The following ZNF37A variants were observed in gnomAD, a reference collection of about 807,000 sequenced individuals.
The protein encoded by ZNF37A is zinc finger protein 37a (KOX 21).
In ZNF37A, 10 loss-of-function variants were observed where a neutral mutation model predicts 12.3. The observed-to-expected ratio is 0.82, with a 90% CI of 0.50 to 1.38. The LOEUF (loss-of-function observed/expected upper bound fraction) is 1.38, where lower values mean the gene tolerates loss of function less well. Among genes scored for constraint, ZNF37A ranks in the 40% most tolerant of loss-of-function variants. The pLI, the probability that ZNF37A is intolerant of heterozygous loss-of-function variation, is 0.00. For synonymous variants in ZNF37A, 207 were observed against 223.0 expected, an observed-to-expected ratio of 0.93 and a Z score of 0.64; for missense variants, 580 against 651.2, an observed-to-expected ratio of 0.89 and a Z score of 1.19.
intron 4 of ZNF37A, among the ~76,000 whole-genome samples, 178 bp downstream of exon 4, chr10:38,095,982 C>T (rs1251256779): frequency 6.6e-6 from 1 of 152,052 alleles, no homozygotes; most frequent in East Asian, 1.9e-4. Context: ...GTCAGGAGTT[C>T]GAGACCAGCC....
chr10:38,134,089 C>A (rs561824092), intron 7 of ZNF37A, among the ~76,000 whole-genome samples: 1 of 152,310 alleles, frequency 6.6e-6, no homozygotes, highest in South Asian at 2.1e-4. Flanking sequence ...GCTACTGAAG[C>A]TTGTGCATGC....
chr10:38,123,296 AC>A lies in ZNF37A; in HGVS notation c.*4462del, dbSNP rs1445728321. ...CCATAAACATATACACCTACTTTGT[AC>A]CCACAAAAATTTAAAAATAAAGTTA... is the stretch of plus-strand genomic sequence containing the variant. On this transcript the variant is annotated 3_prime_UTR_variant, in exon 8 of 8. Coordinates refer to ENST00000685332, the MANE Select transcript of ZNF37A (RefSeq NM_001324250.3). The A allele has an allele frequency of 2.6e-5, 4 of 151,946 alleles. No individual in the cohort carries two copies. The highest frequency in any genetic ancestry group is 6.6e-5 in the Admixed American group (1 of 15,134). The allele number at this position is 151,946 out of a possible 1,614,324, so 9.4% of individuals were successfully genotyped here. A position where few individuals can be genotyped will look rare whatever the true frequency, so the allele number is the denominator to read the frequency against.
At position 38,094,361 on chromosome 10, in the gene ZNF37A, C is replaced by CGAT. The variant is rs2066955807; in HGVS notation, c.-621_-620insGAT. 1 of 151,570 alleles carries CGAT rather than the reference C, an allele frequency of 6.6e-6. No homozygotes were observed. Among genetic ancestry groups the CGAT allele is most frequent in the Non-Finnish European group, 1.5e-5 (1 of 67,906 alleles). 9.4% of individuals were successfully genotyped at this position (151,570 alleles called of 1,614,324 possible). A position where few individuals can be genotyped will look rare whatever the true frequency, so the allele number is the denominator to read the frequency against. ...GGAGATGTAGTGTGCACTTTTCGGC[C>CGAT]CCCGTCGCGGGAGCCGCTTCGGGCC... is the stretch of plus-strand genomic sequence containing the variant. On this transcript the variant is annotated 5_prime_UTR_variant, in exon 1 of 8. Transcript: ENST00000685332.
intron 7 of ZNF37A, among the ~76,000 whole-genome samples, chr10:38,116,618 G>A (rs117851275): frequency 0.042 from 6,441 of 152,220 alleles, 193 homozygotes; most frequent in Non-Finnish European, 0.06. Context: ...GTTTACTTCA[G>A]TGATACCTTG....
At chr10:38,103,230 CT>C (rs1231842549) in intron 5 of ZNF37A, among the ~76,000 whole-genome samples, 2 of 152,200 alleles carry the variant, frequency 1.3e-5, no homozygotes, top group East Asian at 3.9e-4. Flanking sequence ...TTTCACCATT[CT>C]TTTTCTCTGC....
In ZNF37A at chr10:38,118,645, T is replaced by C; in HGVS notation, c.1494T>C (p.Asn498=). 1 of 1,613,592 alleles carries C rather than the reference T, an allele frequency of 6.2e-7. No homozygotes were observed. Among genetic ancestry groups the C allele is most frequent in the South Asian group, 1.1e-5 (1 of 91,054 alleles). ...TAAGACAGAAACCCTATGGATGTAA[T>C]CAATGTGGAAAATCATTCTGTGTGA... ...THIRQKPYGC[N]QCGKSFCVKS... The change falls in exon 8 of 8, where the codon AAT becomes AAC. Residue 498 remains asparagine (N), a synonymous_variant. Coordinates refer to ENST00000685332, the MANE Select transcript of ZNF37A (RefSeq NM_001324250.3).
Position 38,118,759 on chromosome 10 carries a change from A to T in ZNF37A, c.1608A>T (p.Ser536=). 6.2e-7 allele frequency: 1 copy of T among 1,613,178 alleles called. No homozygotes were observed. Among genetic ancestry groups the T allele is most frequent in the Non-Finnish European group, 8.5e-7 (1 of 1,179,598 alleles). ...NVCGKSFYVK[S]KLTVHQRIHL... is the part of the protein sequence containing the mutation. The stretch of plus-strand genomic sequence containing the variant: ...GTGGAAAATCATTCTATGTTAAGTC[A>T]AAACTAACTGTACATCAGAGAATAC... The change falls in exon 8 of 8, where the codon TCA becomes TCT. Residue 536 remains serine, a synonymous_variant. Coordinates refer to ENST00000685332, the MANE Select transcript of ZNF37A (RefSeq NM_001324250.3).
At chr10:38,142,092 A>C (rs2070191909) in intron 7 of ZNF37A, 1 of 152,216 alleles carries the variant, frequency 6.6e-6, no homozygotes, top group African/African-American at 2.4e-5. Context: ...CCTGGGTGAG[A>C]GAAAAATAAA....
chr10:38,133,864 G>A (rs1388002161), intron 7 of ZNF37A, among the ~76,000 whole-genome samples: 2 of 152,180 alleles, frequency 1.3e-5, no homozygotes, highest in Non-Finnish European at 2.9e-5. Flanking sequence ...GGTATTTCTA[G>A]TTCCAGATCC....
intron 5 of ZNF37A, among the ~76,000 whole-genome samples, chr10:38,107,830 C>T (rs556752372): frequency 2.2e-4 from 34 of 152,294 alleles, no homozygotes; most frequent in African/African-American, 7.2e-4. Flanking sequence ...GCACCCAATA[C>T]AGGAGCACCC....
downstream of ZNF37A, among the ~76,000 whole-genome samples, chr10:38,129,319 A>AAAAAAAAAAAAAAAAAAAC: frequency 1.5e-4 from 17 of 116,272 alleles, no homozygotes; most frequent in African/African-American, 2.5e-4. Context: ...AAAAAAAAAA[A>AAAAAAAAAAAAAAAAAAAC]AAACTATTAT....
intron 7 of ZNF37A, among the ~76,000 whole-genome samples, chr10:38,131,185 C>T (rs960101575): frequency 7.9e-5 from 12 of 151,982 alleles, no homozygotes; most frequent in African/African-American, 2.4e-4. Context: ...TAGTATTCTT[C>T]GATGCAAAAA....
intron 7 of ZNF37A, among the ~76,000 whole-genome samples, chr10:38,136,446 A>C (rs1388181614): frequency 6.6e-6 from 1 of 152,130 alleles, no homozygotes; most frequent in Non-Finnish European, 1.5e-5. Context: ...GAGCCACCAT[A>C]CCCAGCCTCA....
chr10:38,103,551 C>T (rs2067771872), intron 5 of ZNF37A, among the ~76,000 whole-genome samples: 1 of 151,986 alleles, frequency 6.6e-6, no homozygotes, highest in African/African-American at 2.4e-5. Context: ...TCTTTGAGTA[C>T]AGGTTTTATT....
chr10:38,117,743 G>GA lies in ZNF37A; in HGVS notation c.596dup (p.Asn199LysfsTer5). On this transcript the variant is annotated frameshift_variant, in exon 8 of 8. Coordinates refer to ENST00000685332, the MANE Select transcript of ZNF37A (RefSeq NM_001324250.3). LOFTEE classifies it low-confidence loss of function (END_TRUNC). ...CACTCATCAGCAAACACATCCAAGA[G>GA]AAAACCACTATGGTAATGAATGTGG... 6.2e-7 allele frequency: 1 copy of GA among 1,613,934 alleles called. No homozygotes were observed. The highest frequency in any genetic ancestry group is 1.1e-5 in the South Asian group (1 of 91,058).
chr10:38,112,791 T>TC lies in ZNF37A; in HGVS notation c.16-1964_16-1963insC, dbSNP rs1564932581. Among the ~76,000 whole-genome samples the TC allele has an allele frequency of 1.1e-4, 5 of 47,520 alleles. 2 individuals are homozygous for TC. Among genetic ancestry groups the TC allele is most frequent in the Non-Finnish European group, 2.4e-4 (5 of 20,580 alleles). The allele number at this position is 47,520 out of a possible 152,430, so 31.2% of individuals were successfully genotyped here. On this transcript the variant is annotated intron_variant, in intron 5 of 7. Coordinates refer to ENST00000685332, the MANE Select transcript of ZNF37A (RefSeq NM_001324250.3). ...TTTTCTTTTCTTTTCTTTTCTTTTC[T>TC]TTTCTTGTCTTGTCTTGTCTTCTTT...
intron 7 of ZNF37A, among the ~76,000 whole-genome samples, chr10:38,132,080 CTCTT>C (rs772097566): frequency 1.3e-5 from 2 of 151,958 alleles, no homozygotes; most frequent in South Asian, 2.1e-4. Context: ...ATATTTTTAC[CTCTT>C]TCTTTCTATT....
intron 5 of ZNF37A, among the ~76,000 whole-genome samples, chr10:38,112,738 T>TCTTGGTCTCGGTCTCGGTCTCGG: frequency 6.8e-5 from 4 of 58,912 alleles, no homozygotes; most frequent in South Asian, 5.8e-4. Flanking sequence ...CCATTTTCTT[T>TCTTGGTCTCGGTCTCGGTCTCGG]TCTTTTCTTT....
intron 7 of ZNF37A, among the ~76,000 whole-genome samples, chr10:38,131,494 C>A (rs2070026696): frequency 6.6e-6 from 1 of 152,086 alleles, no homozygotes; most frequent in Non-Finnish European, 1.5e-5. Context: ...AAACAATTCA[C>A]CATATATTTG....
Sources: allele counts gnomAD v4.1 joint callset (sites outside exome capture counted in the v4.1 genomes callset), GRCh38; gene constraint gnomAD v4.1.1; transcripts MANE v1.5; gene names NCBI Gene and HGNC (gene_info 2026-07-23, HGNC 2026-07-21).